FABP6: variants seen among roughly 807,000 people sequenced by gnomAD.
FABP6 encodes fatty acid binding protein 6.
A neutral mutation model predicts 14.9 loss-of-function variants in FABP6; 13 were observed. The ratio of observed to expected loss-of-function variants is 0.87; its 90% CI spans 0.57 to 1.39. The LOEUF is 1.39. Among genes scored for constraint, FABP6 ranks in the 40% most tolerant of loss-of-function variants. The probability of loss-of-function intolerance (pLI) is 0.00; values close to 1 mark genes in which losing one functional copy is unlikely to be tolerated. For synonymous variants in FABP6, 75 were observed against 63.6 expected, an observed-to-expected ratio of 1.18 and a Z score of -0.85; for missense variants, 161 against 167.2, an observed-to-expected ratio of 0.96 and a Z score of 0.20.
chr5:160,199,527 C>G lies in FABP6; in HGVS notation c.51+370C>G, dbSNP rs111817900. On this transcript the variant is annotated intron_variant, in intron 2 of 6. Coordinates refer to the FABP6 transcript ENST00000393980. Reference sequence around the variant, plus strand: ...CCAAGCCGGCCACCAGAGGGCGCGCCAGGTCGCGGCATCCCGGCTCCCCGT... The same window carrying G: ...CCAAGCCGGCCACCAGAGGGCGCGCGAGGTCGCGGCATCCCGGCTCCCCGT... 9.6e-3 allele frequency among the ~76,000 whole-genome samples: 1,463 copies of G among 152,278 alleles called. 29 individuals are homozygous for G. The highest frequency in any genetic ancestry group is 0.033 in the African/African-American group (1,388 of 41,566).
chr5:160,205,451 G>GTGCTGCT (rs1759743103), intron 2 of FABP6, among the ~76,000 whole-genome samples: 1 of 152,020 alleles, frequency 6.6e-6, no homozygotes, highest in African/African-American at 2.4e-5. Flanking sequence ...TTTATCACAG[G>GTGCTGCT]TGCTGCTGGC....
At chr5:160,232,489 CTT>C (rs932203859) in intron 2 of FABP6, among the ~76,000 whole-genome samples, 1 of 152,208 alleles carries the variant, frequency 6.6e-6, no homozygotes, top group Non-Finnish European at 1.5e-5. Context: ...TTGCTGGACA[CTT>C]ATTATAAGCT....
Position 160,224,427 on chromosome 5 carries a change from A to G in FABP6, c.136-5119A>G, listed in dbSNP as rs930034940. The stretch of plus-strand genomic sequence containing the variant: ...GACAGAGGGAGACCCTGTCTCAACA[A>G]CAAAAGAAATTAGGCCAATTAATAA... On this transcript the variant is annotated intron_variant, in intron 3 of 6. Coordinates refer to the FABP6 transcript ENST00000393980. Among the ~76,000 whole-genome samples, 17 of 152,156 alleles carry G rather than the reference A, an allele frequency of 1.1e-4. No individual in the cohort carries two copies. In the South Asian group the frequency reaches 3.5e-3, roughly 32 times the overall value.
At chr5:160,236,051 T>C (rs1226269037) in intron 3 of FABP6, among the ~76,000 whole-genome samples, 1 of 149,758 alleles carries the variant, frequency 6.7e-6, no homozygotes, top group Non-Finnish European at 1.5e-5. Context: ...AGTCTTGCTC[T>C]GTTGTCCAGG....
intron 3 of FABP6, among the ~76,000 whole-genome samples, chr5:160,216,675 A>G (rs888653412): frequency 6.6e-6 from 1 of 152,316 alleles, no homozygotes; most frequent in Middle Eastern, 3.4e-3. Context: ...CTGAATTCCT[A>G]TCCAAACTTA....
chr5:160,217,210 G>T (rs1477428133), intron 3 of FABP6, among the ~76,000 whole-genome samples: 2 of 152,212 alleles, frequency 1.3e-5, no homozygotes, highest in African/African-American at 2.4e-5. Flanking sequence ...GGGCAGAACA[G>T]GACTTTTGGA....
Position 160,238,641 on chromosome 5 carries a change from G to A in FABP6, c.369G>A (p.Val123=), listed in dbSNP as rs1292523900. 1 of 1,614,074 alleles carries A rather than the reference G, an allele frequency of 6.2e-7. No homozygotes were observed. Among genetic ancestry groups the A allele is most frequent in the South Asian group, 1.1e-5 (1 of 91,062 alleles). The change falls in exon 4 of 4, where the codon GTG becomes GTA. Residue 123 remains valine (V), a synonymous_variant. Coordinates refer to ENST00000402432, the MANE Select transcript of FABP6 (RefSeq NM_001445.3). ...STIGGVTYER[V]SKRLA is the part of the protein sequence containing the mutation. ...TCGGAGGCGTGACCTATGAGCGCGT[G>A]AGCAAGAGACTGGCCTAAGCAGCCA... is the stretch of plus-strand genomic sequence containing the variant.
At chr5:160,229,435 A>G, upstream of FABP6, 2 of 1,549,396 alleles carry the variant, frequency 1.3e-6, no homozygotes, top group South Asian at 1.2e-5. Flanking sequence ...AGGGAGAAGA[A>G]GTGGGGTGAC....
intron 1 of FABP6, among the ~76,000 whole-genome samples, chr5:160,194,475 A>G (rs1162486672): frequency 1.3e-5 from 2 of 152,166 alleles, no homozygotes; most frequent in African/African-American, 2.4e-5. Flanking sequence ...CTCTCATTTG[A>G]GGCTGCAGTG....
intron 2 of FABP6, among the ~76,000 whole-genome samples, chr5:160,213,049 T>C (rs892500814): frequency 2.0e-5 from 3 of 152,206 alleles, no homozygotes; most frequent in African/African-American, 7.2e-5. Context: ...TTTGGGCACC[T>C]ATCCAGCCCA....
At chr5:160,227,574 T>A (rs1177912465), upstream of FABP6, among the ~76,000 whole-genome samples, 1 of 147,694 alleles carries the variant, frequency 6.8e-6, no homozygotes, top group East Asian at 2.0e-4. Flanking sequence ...TAGTCCCAGC[T>A]GTTTGGGAGG....
intron 1 of FABP6, among the ~76,000 whole-genome samples, chr5:160,191,972 T>C (rs1306333880): frequency 6.7e-6 from 1 of 150,132 alleles, no homozygotes; most frequent in African/African-American, 2.5e-5. Context: ...AGACTCCATC[T>C]CAAAAAAAGA....
At chr5:160,198,346 T>C (rs72643439) in intron 1 of FABP6, 13,832 of 152,314 alleles carry the variant, frequency 0.091, 848 homozygotes, top group East Asian at 0.36. Flanking sequence ...AGGTTTGCCT[T>C]CTGTGCCTCC....
At chr5:160,221,593 G>A (rs921747888) in intron 3 of FABP6, among the ~76,000 whole-genome samples, 1 of 152,080 alleles carries the variant, frequency 6.6e-6, no homozygotes, top group Non-Finnish European at 1.5e-5. Context: ...TTTCCCCCAA[G>A]GTTTTCAGGG....
At chr5:160,205,952 C>G (rs567289616) in intron 2 of FABP6, among the ~76,000 whole-genome samples, 21 of 152,288 alleles carry the variant, frequency 1.4e-4, no homozygotes, top group African/African-American at 5.1e-4. Flanking sequence ...TTCAAGGTCT[C>G]TTTTCTTTTT....
intron 3 of FABP6, among the ~76,000 whole-genome samples, chr5:160,219,359 G>C (rs1302824950): frequency 6.6e-6 from 1 of 152,102 alleles, no homozygotes; most frequent in Non-Finnish European, 1.5e-5. Flanking sequence ...ATTAGCCTTG[G>C]GCTCTTCTTT....
chr5:160,204,330 A>C (rs1299615867), intron 2 of FABP6, among the ~76,000 whole-genome samples: 1 of 151,178 alleles, frequency 6.6e-6, no homozygotes, highest in Non-Finnish European at 1.5e-5. Flanking sequence ...AATAAAATAA[A>C]GATAAAAATA....
At chr5:160,193,415 T>G (rs1051870258) in intron 1 of FABP6, among the ~76,000 whole-genome samples, 1 of 152,038 alleles carries the variant, frequency 6.6e-6, no homozygotes. Flanking sequence ...GAACAAGGCT[T>G]CCACAGTGTG....
At chr5:160,213,736 G>T (rs767847502) in exon 3 of FABP6, 2 of 1,613,814 alleles carry the variant, frequency 1.2e-6, no homozygotes, top group South Asian at 2.2e-5. Context: ...TCTGACTCAG[G>T]TTCTGAGAGC....
Sources: gnomAD v4.1 joint callset for allele counts (sites outside exome capture counted in the v4.1 genomes callset) on GRCh38, gnomAD v4.1.1 for gene constraint, MANE v1.5 for transcripts, NCBI Gene and HGNC (gene_info 2026-07-23, HGNC 2026-07-21) for gene names.